The following DIP2B variants were observed in gnomAD, a reference collection of about 807,000 sequenced individuals.
DIP2B encodes the protein DIP2 acetate--CoA ligase B (putative), also known as disco-interacting protein 2 homolog B.
DIP2B carries 76 observed loss-of-function variants against 198.0 expected under a neutral mutation model. The ratio of observed to expected loss-of-function variants is 0.38; its 90% CI spans 0.32 to 0.46. The LOEUF (loss-of-function observed/expected upper bound fraction) is 0.46, where lower values mean the gene tolerates loss of function less well. DIP2B is among the 20% of genes least tolerant of loss of function. The pLI, the probability that DIP2B is intolerant of heterozygous loss-of-function variation, is 0.99. For synonymous variants in DIP2B, 701 were observed against 739.1 expected, an observed-to-expected ratio of 0.95 and a Z score of 0.84; for missense variants, 1,559 against 1,978.4, an observed-to-expected ratio of 0.79 and a Z score of 4.02.
At chr12:50,575,414 G>A (rs1171163237) in intron 1 of DIP2B, among the ~76,000 whole-genome samples, 5 of 151,164 alleles carry the variant, frequency 3.3e-5, no homozygotes, top group Non-Finnish European at 5.9e-5. Context: ...ACAGGGTCTC[G>A]CTCTGTCACC....
chr12:50,526,337 G>A (rs148618687), intron 1 of DIP2B, among the ~76,000 whole-genome samples: 2 of 152,268 alleles, frequency 1.3e-5, no homozygotes, highest in Non-Finnish European at 2.9e-5. Flanking sequence ...ATGTTTGCTT[G>A]TTTGTTTTTC....
At chr12:50,529,231 C>G (rs780451529) in intron 1 of DIP2B, among the ~76,000 whole-genome samples, 9 of 152,114 alleles carry the variant, frequency 5.9e-5, no homozygotes, top group Non-Finnish European at 1.2e-4. Context: ...GATGGAGGCT[C>G]CGGGAGCTGT....
chr12:50,696,542 C>T (rs1050797665), intron 16 of DIP2B, among the ~76,000 whole-genome samples: 3 of 152,186 alleles, frequency 2.0e-5, no homozygotes, highest in Non-Finnish European at 4.4e-5. Context: ...CTGCTTTTCT[C>T]TACAAGCCCC....
chr12:50,541,403 C>CTTTTTTTTTTTTT lies in DIP2B; in HGVS notation c.100+36170_100+36182dup, dbSNP rs57979674. On this transcript the variant is annotated intron_variant, in intron 1 of 37. Transcript: ENST00000301180. ...TTGGAATCCAAGGACAAAGAACATT[C>CTTTTTTTTTTTTT]TTTTTTTTTTTTTTTTTTTAAATCC... is the stretch of plus-strand genomic sequence containing the variant. Among the ~76,000 whole-genome samples the CTTTTTTTTTTTTT allele has an allele frequency of 1.6e-5, 2 of 128,616 alleles. 1 individual carries two copies. Among genetic ancestry groups the CTTTTTTTTTTTTT allele is most frequent in the Non-Finnish European group, 3.3e-5 (2 of 60,888 alleles). 84.4% of individuals were successfully genotyped at this position (128,616 alleles called of 152,430 possible). A position where few individuals can be genotyped will look rare whatever the true frequency, so the allele number is the denominator to read the frequency against.
chr12:50,614,809 G>A (rs1389244928), intron 1 of DIP2B, among the ~76,000 whole-genome samples: 1 of 152,130 alleles, frequency 6.6e-6, no homozygotes, highest in African/African-American at 2.4e-5. Context: ...TTTCCACTTT[G>A]GCCTAAGCGA....
chr12:50,617,399 C>T (rs1463394010), intron 1 of DIP2B, among the ~76,000 whole-genome samples: 2 of 151,860 alleles, frequency 1.3e-5, no homozygotes, highest in Non-Finnish European at 2.9e-5. Flanking sequence ...TCATGATCCA[C>T]CTGCCTAGGC....
chr12:50,507,694 G>A (rs1345019417), intron 1 of DIP2B, among the ~76,000 whole-genome samples: 2 of 152,076 alleles, frequency 1.3e-5, no homozygotes, highest in Admixed American at 6.6e-5. Context: ...ACTACTGCCG[G>A]GCTAATTTTT....
chr12:50,731,523 G>A lies in DIP2B; in HGVS notation c.3796G>A (p.Val1266Met). 6.2e-7 allele frequency: 1 copy of A among 1,613,326 alleles called. No individual in the cohort carries two copies. The highest frequency in any genetic ancestry group is 8.5e-7 in the Non-Finnish European group (1 of 1,179,498). ...ELCTKGLGNQ[V>M]EVLKTRGINL... ...CTGCACCAAAGGTCTTGGGAACCAA[G>A]TGGAAGTGCTAAAGGTAAGAAGCAG... Residue 1266 changes from valine (V) to methionine (M), a missense_variant, in exon 31 of 38, where the codon GTG becomes ATG. Transcript: ENST00000301180.
At chr12:50,584,345 G>A (rs953860363) in intron 1 of DIP2B, among the ~76,000 whole-genome samples, 7 of 151,994 alleles carry the variant, frequency 4.6e-5, no homozygotes, top group Non-Finnish European at 2.9e-5. Context: ...CCCTGCCCCT[G>A]TCCAGCCCTT....
intron 1 of DIP2B, among the ~76,000 whole-genome samples, chr12:50,516,943 C>G (rs760560664): frequency 1.3e-5 from 2 of 151,986 alleles, no homozygotes; most frequent in African/African-American, 4.8e-5. Flanking sequence ...TCACAGTGAG[C>G]CAAGATCGTG....
chr12:50,671,755 A>T (rs1298684019), intron 5 of DIP2B, among the ~76,000 whole-genome samples: 1 of 152,202 alleles, frequency 6.6e-6, no homozygotes, highest in African/African-American at 2.4e-5. Context: ...TTTTCCCAGG[A>T]TTGTTACCTA....
At chr12:50,674,766 A>G (rs1279636735) in intron 6 of DIP2B, 137 bp downstream of exon 6, 1 of 1,049,424 alleles carries the variant, frequency 9.5e-7, no homozygotes, top group Non-Finnish European at 1.4e-6. Context: ...AATCCTGGGT[A>G]CCTTTTTTCC....
intron 37 of DIP2B, among the ~76,000 whole-genome samples, chr12:50,744,150 C>G (rs1475970696): frequency 2.6e-5 from 4 of 152,156 alleles, no homozygotes. Context: ...TACGGGTGCT[C>G]ACCACCAAGT....
chr12:50,732,643 T>C (rs1265329646), intron 32 of DIP2B, 107 bp downstream of exon 32: 16 of 1,395,354 alleles, frequency 1.1e-5, no homozygotes, highest in Non-Finnish European at 1.1e-5. Flanking sequence ...CCAGCCGCAC[T>C]TACTTGCTTT....
chr12:50,722,161 G>A (rs1939848367), intron 26 of DIP2B, among the ~76,000 whole-genome samples: 1 of 152,028 alleles, frequency 6.6e-6, no homozygotes, highest in South Asian at 2.1e-4. Context: ...CATTATTTCT[G>A]TCACCTAATC....
At chr12:50,688,981 C>T (rs1939177524) in intron 12 of DIP2B, among the ~76,000 whole-genome samples, 1 of 152,168 alleles carries the variant, frequency 6.6e-6, no homozygotes, top group Non-Finnish European at 1.5e-5. Flanking sequence ...CTATTACCCA[C>T]AGGACTCTAC....
At chr12:50,510,944 TTTC>T (rs1237621645) in intron 1 of DIP2B, among the ~76,000 whole-genome samples, 1 of 44,020 alleles carries the variant, frequency 2.3e-5, no homozygotes, top group East Asian at 8.2e-4. Flanking sequence ...TGCGCCTGGC[TTTC>T]TTTTTTTTTT....
chr12:50,632,976 G>A (rs143288958), intron 2 of DIP2B, among the ~76,000 whole-genome samples: 18 of 151,246 alleles, frequency 1.2e-4, no homozygotes, highest in Non-Finnish European at 2.2e-4. Flanking sequence ...ACAGGATCTC[G>A]CTATGTTGCT....
intron 15 of DIP2B, 32 bp downstream of exon 15, chr12:50,695,392 T>A (rs765445032): frequency 6.4e-7 from 1 of 1,566,458 alleles, no homozygotes; most frequent in East Asian, 2.2e-5. Flanking sequence ...GCTTTAATTA[T>A]GTGACTGTTT....
Sources: allele counts gnomAD v4.1 joint callset (sites outside exome capture counted in the v4.1 genomes callset), GRCh38; gene constraint gnomAD v4.1.1; transcripts MANE v1.5; gene names NCBI Gene and HGNC (gene_info 2026-07-23, HGNC 2026-07-21).